The following DCAF6 variants were observed in gnomAD, a reference collection of about 807,000 sequenced individuals.
DCAF6 encodes DDB1- and CUL4-associated factor 6.
DCAF6 carries 54 observed loss-of-function variants against 125.1 expected under a neutral mutation model. That is an observed-to-expected ratio of 0.43 (90% confidence interval 0.35 to 0.54). The LOEUF is 0.54. Among genes scored for constraint, DCAF6 ranks in the 20% least tolerant of loss-of-function variants. DCAF6 has a pLI of 0.01. For missense variants in DCAF6, 934 were observed against 1,161.7 expected, an observed-to-expected ratio of 0.80 and a Z score of 2.85; for synonymous variants, 371 against 390.4, an observed-to-expected ratio of 0.95 and a Z score of 0.58.
chr1:167,935,429 T>C (rs548398942), upstream of DCAF6, among the ~76,000 whole-genome samples: 1 of 152,070 alleles, frequency 6.6e-6, no homozygotes, highest in African/African-American at 2.4e-5. Flanking sequence ...CCCAGACAGT[T>C]TGGTGGCCGC....
At chr1:167,953,627 G>T (rs1191574104) in intron 2 of DCAF6, among the ~76,000 whole-genome samples, 2 of 152,114 alleles carry the variant, frequency 1.3e-5, no homozygotes, top group African/African-American at 2.4e-5. Flanking sequence ...TTGATATGGG[G>T]TCTTGCTCTG....
intron 13 of DCAF6, among the ~76,000 whole-genome samples, chr1:168,039,484 T>G (rs1348865789): frequency 6.6e-6 from 1 of 150,806 alleles, no homozygotes; most frequent in East Asian, 1.9e-4. Context: ...CTTTTTATAC[T>G]CTTTCCCACT....
the DCAF6 span, among the ~76,000 whole-genome samples, chr1:167,922,482 A>G: frequency 1.3e-5 from 2 of 152,100 alleles, no homozygotes; most frequent in African/African-American, 2.4e-5. Flanking sequence ...ATTCCACTAT[A>G]AAGATATATT....
At chr1:167,993,088 C>A in intron 6 of DCAF6, 138 bp from the exon 7 acceptor site, 1 of 768,274 alleles carries the variant, frequency 1.3e-6, no homozygotes, top group Non-Finnish European at 2.0e-6. Context: ...GAGGAAGAAC[C>A]TCTACTGGAA....
chr1:168,054,780 A>G (rs1317846457), intron 17 of DCAF6, among the ~76,000 whole-genome samples: 1 of 151,884 alleles, frequency 6.6e-6, no homozygotes, highest in Non-Finnish European at 1.5e-5. Flanking sequence ...TATAAGAAAA[A>G]TGTATACATA....
Position 167,936,838 on chromosome 1 carries a change from G to A in DCAF6, c.-74G>A, listed in dbSNP as rs1571535509. 18 of 1,338,188 alleles carry A rather than the reference G, an allele frequency of 1.3e-5. No individual in the cohort carries two copies. Among genetic ancestry groups the A allele is most frequent in the Non-Finnish European group, 1.9e-5 (18 of 959,864 alleles). The allele number at this position is 1,338,188 out of a possible 1,614,324, so 82.9% of individuals were successfully genotyped here. ...ATGGTGCCGGTGCGGCTCGGGTGTT[G>A]AAACGGGTGTCCCCTCCCCCTCCTC... On this transcript the variant is annotated 5_prime_UTR_variant, in exon 1 of 22. The change abolishes the stop of an existing upstream ORF in the 5' untranslated region. Transcript: ENST00000367840.
intron 10 of DCAF6, among the ~76,000 whole-genome samples, chr1:168,007,118 A>G (rs529521037): frequency 2.8e-4 from 42 of 152,302 alleles, no homozygotes; most frequent in African/African-American, 9.6e-4. Flanking sequence ...TTCACAATGA[A>G]AAGTACTCGT....
chr1:167,976,194 C>T (rs60292161), intron 4 of DCAF6, among the ~76,000 whole-genome samples: 4,560 of 152,218 alleles, frequency 0.03, 235 homozygotes, highest in African/African-American at 0.1. Context: ...GGAGGCCAGA[C>T]GTGGTGGCTC....
At position 168,043,008 on chromosome 1, in the gene DCAF6, T is replaced by C. The variant is rs926452362; in HGVS notation, c.1728-17T>C. The C allele has an allele frequency of 7.1e-6, 11 of 1,555,098 alleles. No homozygotes were observed. The highest frequency in any genetic ancestry group is 3.4e-5 in the Admixed American group (2 of 59,172). ...ATTAACTTCTTGGTGGAATCACTTATCTTGTTTTGATGATAGGAGCAGTAT... is the reference window on the plus strand; with the variant it reads ...ATTAACTTCTTGGTGGAATCACTTACCTTGTTTTGATGATAGGAGCAGTAT... On this transcript the variant is annotated splice_polypyrimidine_tract_variant and intron_variant, in intron 13 of 21. Coordinates refer to ENST00000367840, the MANE Select transcript of DCAF6 (RefSeq NM_001198956.2).
At chr1:167,909,929 C>T in the DCAF6 span, among the ~76,000 whole-genome samples, 607 of 150,148 alleles carry the variant, frequency 4.0e-3, 3 homozygotes, top group African/African-American at 0.014. Flanking sequence ...GACCAGCCGG[C>T]GCCACTGATG....
chr1:167,948,813 G>A (rs1050009005), intron 1 of DCAF6, among the ~76,000 whole-genome samples: 5 of 151,952 alleles, frequency 3.3e-5, no homozygotes, highest in East Asian at 1.9e-4. Context: ...CACCACACCC[G>A]GCTAATTTTT....
chr1:167,958,414 A>G (rs1014053363), intron 2 of DCAF6, among the ~76,000 whole-genome samples: 2 of 151,718 alleles, frequency 1.3e-5, no homozygotes, highest in Non-Finnish European at 2.9e-5. Context: ...CTTTCATTGA[A>G]TGGTCTTGGA....
At chr1:167,938,256 TG>T (rs1671648359) in intron 1 of DCAF6, among the ~76,000 whole-genome samples, 1 of 126,174 alleles carries the variant, frequency 7.9e-6, no homozygotes, top group Non-Finnish European at 1.6e-5. Flanking sequence ...GTACAAATGC[TG>T]GGGTGTGTGT....
the DCAF6 span, among the ~76,000 whole-genome samples, chr1:167,928,012 A>G: frequency 1.4e-4 from 22 of 152,208 alleles, no homozygotes; most frequent in Non-Finnish European, 2.6e-4. Context: ...CAAAAAAATC[A>G]GTTTAATATC....
At chr1:167,876,209 A>T in the DCAF6 span, among the ~76,000 whole-genome samples, 1 of 151,278 alleles carries the variant, frequency 6.6e-6, no homozygotes, top group Non-Finnish European at 1.5e-5. Flanking sequence ...GTGAGCCAAG[A>T]TCACGCCATT....
intron 2 of DCAF6, among the ~76,000 whole-genome samples, chr1:167,956,243 A>G (rs1040230556): frequency 1.1e-4 from 16 of 147,208 alleles, no homozygotes; most frequent in Non-Finnish European, 2.4e-4. Context: ...AATTCCATTT[A>G]TTTAGTAAAA....
intron 2 of DCAF6, among the ~76,000 whole-genome samples, chr1:167,966,175 TTTG>T (rs1676388858): frequency 6.6e-6 from 1 of 152,182 alleles, no homozygotes; most frequent in South Asian, 2.1e-4. Context: ...GATTTTACAG[TTTG>T]TTAACTTTTT....
At chr1:168,014,224 G>T (rs146885417) in intron 10 of DCAF6, among the ~76,000 whole-genome samples, 10 of 152,166 alleles carry the variant, frequency 6.6e-5, no homozygotes, top group African/African-American at 1.9e-4. Flanking sequence ...TCTTGTCGAG[G>T]TCATCAATGA....
intron 2 of DCAF6, among the ~76,000 whole-genome samples, chr1:167,956,053 G>A (rs571703171): frequency 7.9e-5 from 12 of 152,134 alleles, no homozygotes; most frequent in Non-Finnish European, 1.5e-4. Flanking sequence ...GGTATGAGCC[G>A]CTGTGCTTAG....
Sources: gnomAD v4.1 joint callset for allele counts (sites outside exome capture counted in the v4.1 genomes callset) on GRCh38, gnomAD v4.1.1 for gene constraint, MANE v1.5 for transcripts, NCBI Gene and HGNC (gene_info 2026-07-23, HGNC 2026-07-21) for gene names.